Variants in SLC4A4 observed in about 807,000 individuals in gnomAD.
The protein encoded by SLC4A4 is electrogenic sodium bicarbonate cotransporter 1.
In SLC4A4, 27 loss-of-function variants were observed where a neutral mutation model predicts 111.5. The observed-to-expected ratio is 0.24, with a 90% CI of 0.18 to 0.33. The LOEUF is 0.33. Among genes scored for constraint, SLC4A4 ranks in the 10% least tolerant of loss-of-function variants. The probability of loss-of-function intolerance (pLI) is 1.00; values close to 1 mark genes in which losing one functional copy is unlikely to be tolerated. For missense variants in SLC4A4, 909 were observed against 1,315.5 expected, an observed-to-expected ratio of 0.69 and a Z score of 4.78; for synonymous variants, 443 against 463.4, an observed-to-expected ratio of 0.96 and a Z score of 0.57.
intron 9 of SLC4A4, among the ~76,000 whole-genome samples, chr4:71,449,761 C>T (rs1029133039): frequency 5.3e-5 from 8 of 152,258 alleles, no homozygotes; most frequent in African/African-American, 1.9e-4. Flanking sequence ...CATTTTGGAA[C>T]CTCTTTCTTT....
intron 1 of SLC4A4, among the ~76,000 whole-genome samples, chr4:71,232,894 G>A (rs1200255207): frequency 6.6e-6 from 1 of 152,234 alleles, no homozygotes; most frequent in East Asian, 1.9e-4. Context: ...GGTTGGAAAG[G>A]GTTAGTTCTG....
At chr4:71,536,572 A>G (rs139582435) in intron 18 of SLC4A4, among the ~76,000 whole-genome samples, 18,184 of 147,272 alleles carry the variant, frequency 0.12, 1,550 homozygotes, top group Admixed American at 0.25. Context: ...TCTCAGCTCA[A>G]TTCAACTTCT....
At chr4:71,083,663 G>T (rs1742057072) in intron 1 of SLC4A4, among the ~76,000 whole-genome samples, 1 of 151,958 alleles carries the variant, frequency 6.6e-6, no homozygotes, top group South Asian at 2.1e-4. Context: ...GAGGTTGGTG[G>T]AGATGCTGTG....
chr4:71,106,386 C>T (rs1299720625), intron 2 of SLC4A4, among the ~76,000 whole-genome samples: 1 of 150,712 alleles, frequency 6.6e-6, no homozygotes, highest in Non-Finnish European at 1.5e-5. Context: ...GGATCTAGAA[C>T]TAGAAATACC....
At chr4:71,116,989 A>G (rs1341459681) in intron 2 of SLC4A4, among the ~76,000 whole-genome samples, 3 of 151,548 alleles carry the variant, frequency 2.0e-5, no homozygotes, top group African/African-American at 4.8e-5. Flanking sequence ...TTATTTATTT[A>G]TTTTTGAGAC....
At chr4:71,102,029 A>G (rs1217012669) in intron 2 of SLC4A4, among the ~76,000 whole-genome samples, 1 of 150,288 alleles carries the variant, frequency 6.7e-6, no homozygotes, top group South Asian at 2.1e-4. Flanking sequence ...TTGAAAAAAA[A>G]TTAGAAGAAT....
At chr4:71,440,200 T>G (rs1419245279) in intron 7 of SLC4A4, among the ~76,000 whole-genome samples, 1 of 152,144 alleles carries the variant, frequency 6.6e-6, no homozygotes, top group Non-Finnish European at 1.5e-5. Flanking sequence ...TATATTTTAT[T>G]TTTCCTCTGT....
chr4:71,480,183 A>G (rs910243114), intron 14 of SLC4A4, among the ~76,000 whole-genome samples: 5 of 151,394 alleles, frequency 3.3e-5, no homozygotes, highest in African/African-American at 1.2e-4. Flanking sequence ...TACCATGCCC[A>G]GCTTAAATAT....
intron 6 of SLC4A4, among the ~76,000 whole-genome samples, chr4:71,396,156 A>C (rs1667426348): frequency 6.6e-6 from 1 of 152,168 alleles, no homozygotes; most frequent in Non-Finnish European, 1.5e-5. Context: ...TTTGCACATA[A>C]AGCACATTTT....
intron 2 of SLC4A4, among the ~76,000 whole-genome samples, chr4:71,092,967 C>T (rs13129200): frequency 0.092 from 13,886 of 151,744 alleles, 792 homozygotes; most frequent in African/African-American, 0.16. Context: ...TGGTGGCGTG[C>T]GCCTGTAGTC....
intron 13 of SLC4A4, among the ~76,000 whole-genome samples, chr4:71,466,949 GA>G (rs1727394725): frequency 8.6e-6 from 1 of 116,382 alleles, no homozygotes. Flanking sequence ...GAGAGAGAGA[GA>G]GAGAGAGAGA....
chr4:71,203,464 C>T (rs192174569), intron 1 of SLC4A4, among the ~76,000 whole-genome samples: 30 of 152,140 alleles, frequency 2.0e-4, no homozygotes, highest in Non-Finnish European at 2.8e-4. Flanking sequence ...ATATTTAATC[C>T]GAAGCCAGCC....
chr4:71,174,860 C>A (rs1007186341), intron 2 of SLC4A4, among the ~76,000 whole-genome samples: 2 of 152,218 alleles, frequency 1.3e-5, no homozygotes, highest in African/African-American at 4.8e-5. Context: ...TTCAACCTCC[C>A]AGATTTTGGG....
chr4:71,137,669 G>A (rs568966845), intron 2 of SLC4A4, among the ~76,000 whole-genome samples: 1 of 152,292 alleles, frequency 6.6e-6, no homozygotes, highest in Admixed American at 6.5e-5. Context: ...TTCTCAAGTG[G>A]TTGCTGCCTG....
intron 3 of SLC4A4, among the ~76,000 whole-genome samples, chr4:71,314,571 G>A (rs780122748): frequency 1.2e-4 from 18 of 152,154 alleles, no homozygotes; most frequent in Non-Finnish European, 2.5e-4. Context: ...TATACAGCAT[G>A]GAATACTGTG....
chr4:71,514,661 C>G (rs575463143), intron 16 of SLC4A4, among the ~76,000 whole-genome samples: 1 of 152,242 alleles, frequency 6.6e-6, no homozygotes, highest in Admixed American at 6.5e-5. Flanking sequence ...ATTACTGATT[C>G]AAAATCACTA....
intron 1 of SLC4A4, among the ~76,000 whole-genome samples, chr4:71,192,025 G>T (rs899765851): frequency 3.3e-5 from 5 of 152,064 alleles, no homozygotes; most frequent in African/African-American, 1.2e-4. Context: ...GTTTAACACC[G>T]CTGTAATATT....
At position 71,555,177 on chromosome 4, in the gene SLC4A4, A is replaced by G. The variant is rs112816784; in HGVS notation, c.2732A>G (p.Tyr911Cys). 2.5e-6 allele frequency: 4 copies of G among 1,610,326 alleles called. No homozygotes were observed. The highest frequency in any genetic ancestry group is 3.4e-6 in the Non-Finnish European group (4 of 1,177,200). ...CCTGTACTCTATGGTGTGTTCCTGT[A>G]TATGGGAGTAGCATCCCTTAATGGT... ...PMPVLYGVFL[Y>C]MGVASLNGVQ... The change falls in exon 21 of 26, where the codon TAT (tyrosine) becomes TGT (cysteine). Residue 911 changes from tyrosine (Y) to cysteine (C), a missense_variant. By Grantham distance (194) the Tyr-to-Cys change is radical. Coordinates refer to ENST00000264485, the MANE Select transcript of SLC4A4 (RefSeq NM_001098484.3).
intron 13 of SLC4A4, among the ~76,000 whole-genome samples, chr4:71,468,795 C>A (rs180939980): frequency 1.3e-4 from 20 of 151,694 alleles, no homozygotes; most frequent in Admixed American, 7.2e-4. Flanking sequence ...TATATACCCC[C>A]CTCTTGGTAG....
Sources: gnomAD v4.1 joint callset for allele counts (sites outside exome capture counted in the v4.1 genomes callset) on GRCh38, gnomAD v4.1.1 for gene constraint, MANE v1.5 for transcripts, NCBI Gene and HGNC (gene_info 2026-07-23, HGNC 2026-07-21) for gene names.